CCDC62: variants seen among roughly 807,000 people sequenced by gnomAD.
CCDC62 encodes the protein coiled-coil domain containing 62, also known as coiled-coil domain-containing protein 62.
A neutral mutation model predicts 80.8 loss-of-function variants in CCDC62; 72 were observed. The observed-to-expected ratio is 0.89, with a 90% CI of 0.74 to 1.08. The LOEUF is 1.08. CCDC62 is among the 50% of genes least tolerant of loss of function. CCDC62 has a pLI of 0.00. For missense variants in CCDC62, 704 were observed against 809.4 expected (o/e 0.87, Z 1.58); for synonymous variants, 286 against 296.5 (o/e 0.96, Z 0.36).
At chr12:122,824,825 C>T (rs1253570621) in intron 12 of CCDC62, among the ~76,000 whole-genome samples, 1 of 152,166 alleles carries the variant, frequency 6.6e-6, no homozygotes, top group African/African-American at 2.4e-5. Context: ...TGGCTCATGC[C>T]TATAATCCCA....
intron 11 of CCDC62, among the ~76,000 whole-genome samples, chr12:122,816,811 T>A (rs116736246): frequency 0.16 from 24,649 of 151,992 alleles, 2,824 homozygotes; most frequent in African/African-American, 0.33. Flanking sequence ...TGGTTTTTTT[T>A]AAATCATATT....
At chr12:122,793,133 C>A (rs2030730099) in intron 6 of CCDC62, among the ~76,000 whole-genome samples, 1 of 152,144 alleles carries the variant, frequency 6.6e-6, no homozygotes, top group Non-Finnish European at 1.5e-5. Context: ...TGGACGAAAT[C>A]ATCTCACACA....
At chr12:122,802,157 A>G (rs2031352284) in intron 9 of CCDC62, among the ~76,000 whole-genome samples, 1 of 152,208 alleles carries the variant, frequency 6.6e-6, no homozygotes, top group Non-Finnish European at 1.5e-5. Context: ...ATTAAAAAGC[A>G]AACGGGTGGA....
intron 10 of CCDC62, among the ~76,000 whole-genome samples, chr12:122,811,821 CAAAAAAAAAAAA>C (rs67025764): frequency 0.047 from 1,648 of 34,728 alleles, 37 homozygotes; most frequent in African/African-American, 0.16. Flanking sequence ...ACTCCATCTG[CAAAAAAAAAAAA>C]AAAAAAAAAA....
At chr12:122,818,370 G>A (rs1227700581) in intron 11 of CCDC62, among the ~76,000 whole-genome samples, 1 of 150,258 alleles carries the variant, frequency 6.7e-6, no homozygotes, top group Non-Finnish European at 1.5e-5. Context: ...GGAGAATGGT[G>A]TAAACCCATG....
rs149255926 is a variant in CCDC62, at chr12:122,801,915, A to T, written c.1706+63A>T. 1.2e-5 allele frequency: 19 copies of T among 1,533,886 alleles called. No individual in the cohort carries two copies. The East Asian group carries it at 3.6e-4, about 29-fold the overall frequency. The stretch of plus-strand genomic sequence containing the variant: ...TGCATGCCAGTATTTGGAAATACAA[A>T]GGGTGATGGAAGCCACGCCATACCT... On this transcript the variant is annotated intron_variant, in intron 9 of 12. Transcript: ENST00000253079.
chr12:122,782,288 C>T (rs985179941), intron 3 of CCDC62, among the ~76,000 whole-genome samples: 3 of 152,222 alleles, frequency 2.0e-5, no homozygotes, highest in South Asian at 2.1e-4. Context: ...GTTAGCTGCA[C>T]GGCATTATCC....
chr12:122,805,085 A>T (rs1335310980), intron 9 of CCDC62, among the ~76,000 whole-genome samples: 1 of 149,222 alleles, frequency 6.7e-6, no homozygotes, highest in Admixed American at 6.7e-5. Flanking sequence ...GAGTTTTACC[A>T]TGTTGGCCAG....
intron 1 of CCDC62, among the ~76,000 whole-genome samples, chr12:122,776,363 G>T (rs1028644602): frequency 6.6e-6 from 1 of 152,156 alleles, no homozygotes; most frequent in Non-Finnish European, 1.5e-5. Flanking sequence ...TGTATTAATA[G>T]ATAATATTGT....
At chr12:122,798,645 T>A (rs1336934451) in intron 8 of CCDC62, among the ~76,000 whole-genome samples, 1 of 150,994 alleles carries the variant, frequency 6.6e-6, no homozygotes, top group Non-Finnish European at 1.5e-5. Flanking sequence ...GCTGGGCGTG[T>A]TCGCGGGTAT....
At chr12:122,797,116 G>T (rs1278079152) in intron 6 of CCDC62, among the ~76,000 whole-genome samples, 191 bp from the exon 7 acceptor site, 9 of 151,912 alleles carry the variant, frequency 5.9e-5, no homozygotes. Flanking sequence ...GACCTCAAGT[G>T]GTCTACCCAC....
In CCDC62 at chr12:122,777,338, GTA is replaced by G. The variant is rs1017503943; in HGVS notation, c.37-150_37-149del. On this transcript the variant is annotated intron_variant, in intron 1 of 12. Coordinates refer to ENST00000253079, the MANE Select transcript of CCDC62 (RefSeq NM_201435.5). ...AGATTTTAACTTGAACATGTTTTAA[GTA>G]TACATAATCTTTTGCTGCCATGTTA... is the stretch of plus-strand genomic sequence containing the variant. 1.4e-4 allele frequency: 86 copies of G among 616,460 alleles called. No homozygotes were observed. In the Admixed American group the frequency reaches 2.0e-3, roughly 14 times the overall value. 38.2% of individuals were successfully genotyped at this position (616,460 alleles called of 1,614,324 possible).
At chr12:122,785,101 C>T (rs1235547227) in intron 3 of CCDC62, among the ~76,000 whole-genome samples, 1 of 152,074 alleles carries the variant, frequency 6.6e-6, no homozygotes, top group Non-Finnish European at 1.5e-5. Flanking sequence ...GTCATCCCAC[C>T]ACTGCACTCC....
chr12:122,819,643 G>A (rs1184127295), intron 11 of CCDC62, among the ~76,000 whole-genome samples: 1 of 152,180 alleles, frequency 6.6e-6, no homozygotes, highest in Non-Finnish European at 1.5e-5. Flanking sequence ...CACCCACACG[G>A]TGGAGTTCTG....
chr12:122,795,619 T>G (rs995453058), intron 6 of CCDC62, among the ~76,000 whole-genome samples: 7 of 152,014 alleles, frequency 4.6e-5, no homozygotes, highest in Non-Finnish European at 1.0e-4. Context: ...AGAGATGGGG[T>G]TTCACCGTGT....
At chr12:122,794,045 A>G (rs2135548701) in intron 6 of CCDC62, among the ~76,000 whole-genome samples, 2 of 152,324 alleles carry the variant, frequency 1.3e-5, no homozygotes, top group Middle Eastern at 6.8e-3. Flanking sequence ...TATGCATAAA[A>G]TGCTATGGGA....
intron 3 of CCDC62, among the ~76,000 whole-genome samples, chr12:122,783,184 G>A (rs546477261): frequency 2.0e-5 from 3 of 151,440 alleles, no homozygotes. Flanking sequence ...ATGCTTATAA[G>A]AGGTGCAGAA....
chr12:122,804,386 C>T (rs1475917023), intron 9 of CCDC62, among the ~76,000 whole-genome samples: 2 of 152,172 alleles, frequency 1.3e-5, no homozygotes, highest in South Asian at 4.1e-4. Context: ...ACTCGGGAGG[C>T]TGAGGCACAA....
intron 4 of CCDC62, 76 bp downstream of exon 4, chr12:122,785,896 C>T (rs2030189544): frequency 3.1e-6 from 3 of 956,724 alleles, no homozygotes; most frequent in South Asian, 1.4e-5. Flanking sequence ...TTACCTAAGT[C>T]GCTAGGATCC....
Sources: allele counts gnomAD v4.1 joint callset (sites outside exome capture counted in the v4.1 genomes callset), GRCh38; gene constraint gnomAD v4.1.1; transcripts MANE v1.5; gene names NCBI Gene and HGNC (gene_info 2026-07-23, HGNC 2026-07-21).